TERB1: variants seen among roughly 807,000 people sequenced by gnomAD.
The protein encoded by TERB1 is telomere repeat binding bouquet formation protein 1, also known as telomere repeats-binding bouquet formation protein 1.
TERB1 carries 63 observed loss-of-function variants against 92.3 expected under a neutral mutation model. The observed-to-expected ratio is 0.68, with a 90% CI of 0.56 to 0.84. The LOEUF (loss-of-function observed/expected upper bound fraction) is 0.84, where lower values mean the gene tolerates loss of function less well. TERB1 is among the 40% of genes least tolerant of loss of function. The pLI is 0.00. For synonymous variants in TERB1, 252 were observed against 283.9 expected, an observed-to-expected ratio of 0.89 and a Z score of 1.13; for missense variants, 709 against 843.7, an observed-to-expected ratio of 0.84 and a Z score of 1.98.
intron 9 of TERB1, among the ~76,000 whole-genome samples, chr16:66,784,172 G>T (rs2145194988): frequency 6.6e-6 from 1 of 152,196 alleles, no homozygotes; most frequent in East Asian, 1.9e-4. Flanking sequence ...TCTGGCTAGA[G>T]GATCACTTTT....
rs549987882 is a variant in TERB1 at position 66,760,117 on chromosome 16, C to T, written c.1781-827G>A. 6.1e-4 allele frequency among the ~76,000 whole-genome samples: 50 copies of T among 81,740 alleles called. 1 individual carries two copies. Among genetic ancestry groups the T allele is most frequent in the South Asian group, 4.0e-3 (8 of 1,998 alleles). The allele number at this position is 81,740 out of a possible 152,430, so 53.6% of individuals were successfully genotyped here. ...CTGCACTCCAACCTGGGTGACAGAG[C>T]GAGACTCCATCTCAAAAAAAAAAAA... On this transcript the variant is annotated intron_variant, in intron 16 of 18. Coordinates refer to ENST00000433154, the MANE Select transcript of TERB1 (RefSeq NM_001136505.2).
chr16:66,797,372 A>G (rs1959202588), intron 2 of TERB1, among the ~76,000 whole-genome samples: 1 of 151,764 alleles, frequency 6.6e-6, no homozygotes, highest in Non-Finnish European at 1.5e-5. Flanking sequence ...AGTAGCTGAA[A>G]CTACAGGCAC....
At chr16:66,780,807 T>C (rs2018623132) in intron 9 of TERB1, among the ~76,000 whole-genome samples, 1 of 152,206 alleles carries the variant, frequency 6.6e-6, no homozygotes, top group Admixed American at 6.5e-5. Context: ...AAGGGACTGT[T>C]AGGGTATCAC....
chr16:66,784,859 C>T (rs1008091966), intron 9 of TERB1, among the ~76,000 whole-genome samples: 1 of 149,780 alleles, frequency 6.7e-6, no homozygotes, highest in African/African-American at 2.5e-5. Flanking sequence ...CCTCCGCCTC[C>T]TGAGTAGCTA....
At chr16:66,781,980 T>C (rs2018645621) in intron 9 of TERB1, among the ~76,000 whole-genome samples, 1 of 152,194 alleles carries the variant, frequency 6.6e-6, no homozygotes, top group Admixed American at 6.5e-5. Context: ...TTAGAAACCT[T>C]TGCCTACCCC....
intron 15 of TERB1, 110 bp from the exon 16 acceptor site, chr16:66,767,620 T>TCC: frequency 5.2e-6 from 3 of 577,062 alleles, no homozygotes; most frequent in Non-Finnish European, 9.1e-6. Context: ...GTACTATGCC[T>TCC]CCAGTCATGC....
intron 16 of TERB1, among the ~76,000 whole-genome samples, chr16:66,762,546 G>C (rs1237309125): frequency 6.6e-6 from 1 of 151,630 alleles, no homozygotes; most frequent in Non-Finnish European, 1.5e-5. Flanking sequence ...CACCACACCT[G>C]GCTAATTTTT....
chr16:66,774,980 A>G (rs376686713), intron 12 of TERB1, 138 bp downstream of exon 12: 2 of 841,746 alleles, frequency 2.4e-6, no homozygotes, highest in South Asian at 1.9e-5. Context: ...TACAGGCATG[A>G]GCCACTGTGC....
chr16:66,777,245 A>G lies in TERB1; in HGVS notation c.943T>C (p.Phe315Leu), dbSNP rs935285127. 6.4e-7 allele frequency: 1 copy of G among 1,551,274 alleles called. No individual in the cohort carries two copies. Among genetic ancestry groups the G allele is most frequent in the Admixed American group, 2.0e-5 (1 of 50,988 alleles). ...TGACCAAGAGTAAGCATGATGCTAA[A>G]TTTTTCTCCTGAATCCAGACTTTCA... Reference protein sequence around the residue: ...LHESLDSGEKFSIMLTLGHCT... With the variant: ...LHESLDSGEKLSIMLTLGHCT... The change falls in exon 11 of 19, where the codon TTT becomes CTT. Residue 315 changes from phenylalanine (F) to leucine (L), a missense_variant. Transcript: ENST00000433154.
chr16:66,792,824 A>G (rs1238134772), intron 3 of TERB1, among the ~76,000 whole-genome samples: 1 of 152,146 alleles, frequency 6.6e-6, no homozygotes, highest in Non-Finnish European at 1.5e-5. Flanking sequence ...ATTTTTGTAT[A>G]TCTAAACACA....
intron 16 of TERB1, among the ~76,000 whole-genome samples, chr16:66,765,370 C>T (rs1394337564): frequency 6.6e-6 from 1 of 152,156 alleles, no homozygotes; most frequent in Non-Finnish European, 1.5e-5. Context: ...GTTCTAACAA[C>T]TTAGTAGCCA....
chr16:66,758,628 CTA>C, intron 18 of TERB1, 143 bp downstream of exon 18: 1 of 543,650 alleles, frequency 1.8e-6, no homozygotes, highest in Admixed American at 3.4e-5. Context: ...GTAATCCCAG[CTA>C]CTTAGGAGGC....
intron 16 of TERB1, among the ~76,000 whole-genome samples, chr16:66,764,754 G>A (rs1750475344): frequency 6.6e-6 from 1 of 152,222 alleles, no homozygotes; most frequent in Admixed American, 6.5e-5. Context: ...AAGTCTGGGA[G>A]ACCAGACAAA....
chr16:66,789,388 T>G (rs2018785694), intron 5 of TERB1, among the ~76,000 whole-genome samples: 1 of 46,158 alleles, frequency 2.2e-5, no homozygotes, highest in Admixed American at 2.5e-4. Flanking sequence ...ATCGAGACCA[T>G]CCTGGCTAAC....
At chr16:66,770,532 C>G (rs939924574) in intron 13 of TERB1, among the ~76,000 whole-genome samples, 2 of 152,006 alleles carry the variant, frequency 1.3e-5, no homozygotes, top group Admixed American at 1.3e-4. Context: ...GAATACCTCA[C>G]AGCTTATACA....
chr16:66,775,734 G>T (rs1224470005), intron 11 of TERB1, among the ~76,000 whole-genome samples: 1 of 146,544 alleles, frequency 6.8e-6, no homozygotes, highest in African/African-American at 2.5e-5. Flanking sequence ...TTTTTGAGAG[G>T]GAATCTCGCT....
chr16:66,770,899 G>A (rs1049528739), intron 13 of TERB1, among the ~76,000 whole-genome samples: 1 of 151,954 alleles, frequency 6.6e-6, no homozygotes, highest in Non-Finnish European at 1.5e-5. Context: ...TACCCACACT[G>A]GAGTGCAGTG....
At chr16:66,779,163 C>A in intron 9 of TERB1, 148 bp from the exon 10 acceptor site, 1 of 528,250 alleles carries the variant, frequency 1.9e-6, no homozygotes, top group Non-Finnish European at 3.1e-6. Context: ...CCAATCTTTA[C>A]CTGTGCATAT....
intron 3 of TERB1, among the ~76,000 whole-genome samples, chr16:66,794,309 A>C (rs2018889388): frequency 6.6e-6 from 1 of 152,076 alleles, no homozygotes; most frequent in Non-Finnish European, 1.5e-5. Flanking sequence ...CATGTTGCCC[A>C]GGCTGGTTTC....
Sources: gnomAD v4.1 joint callset for allele counts (sites outside exome capture counted in the v4.1 genomes callset) on GRCh38, gnomAD v4.1.1 for gene constraint, MANE v1.5 for transcripts, NCBI Gene and HGNC (gene_info 2026-07-23, HGNC 2026-07-21) for gene names.